The following DUSP8 variants were observed in gnomAD, a reference collection of about 807,000 sequenced individuals.
The protein encoded by DUSP8 is dual specificity phosphatase 8, also known as dual specificity protein phosphatase 8.
DUSP8 carries 15 observed loss-of-function variants against 38.7 expected under a neutral mutation model. The ratio of observed to expected loss-of-function variants is 0.39; its 90% CI spans 0.26 to 0.60. The LOEUF is 0.60. Ranked by LOEUF, DUSP8 falls within the 20% of genes least tolerant of loss-of-function variation. DUSP8 has a pLI of 0.56. For missense variants in DUSP8, 768 were observed against 915.0 expected (o/e 0.84, Z 2.07); for synonymous variants, 458 against 433.9 (o/e 1.06, Z -0.69).
Position 1,557,284 on chromosome 11 carries a change from T to G in DUSP8, c.1112A>C (p.Gln371Pro). The change falls in exon 7 of 7, where the codon CAG (glutamine) becomes CCG (proline). Residue 371 changes from glutamine (Q) to proline (P), a missense_variant. By Grantham distance (76) the Gln-to-Pro change is moderately conservative. Transcript: ENST00000397374. The surrounding 1 kb of genome is among the most constrained non-coding windows in gnomAD (Gnocchi z 9.9). ...PPTPPATSAL[Q>P]QGLRGLHLSS... ...GAGGTGCAGGCCGCGCAGGCCCTGC[T>G]GCAGTGCGCTGGTCGCCGGGGGCGT... 2 of 1,476,858 alleles carry G rather than the reference T, an allele frequency of 1.4e-6. No homozygotes were observed. Among genetic ancestry groups the G allele is most frequent in the Non-Finnish European group, 1.8e-6 (2 of 1,120,888 alleles). The allele number at this position is 1,476,858 out of a possible 1,614,324, so 91.5% of individuals were successfully genotyped here.
chr11:1,562,049 T>C (rs185495622), intron 3 of DUSP8, among the ~76,000 whole-genome samples: 24 of 152,310 alleles, frequency 1.6e-4, no homozygotes, highest in Admixed American at 1.6e-3. Context: ...AGAAAGGCAG[T>C]TCTGAGGGTG....
Position 1,557,251 on chromosome 11 carries a change from T to G in DUSP8, c.1145A>C (p.Asp382Ala). The change falls in exon 7 of 7, where the codon GAC becomes GCC. Residue 382 changes from aspartate to alanine, a missense_variant. By Grantham distance (126) the Asp-to-Ala change is moderately radical. Around this residue, in one of 3 missense-constraint regions of DUSP8, gnomAD observed 474 missense variants for 430.8 expected, o/e 1.10. Transcript: ENST00000397374. The surrounding 1 kb of genome is among the most constrained non-coding windows in gnomAD (Gnocchi z 9.9). Reference protein sequence around the residue: ...QGLRGLHLSSDRLQDTNRLKR... With the variant: ...QGLRGLHLSSARLQDTNRLKR... ...GAGGCGGTTAGTGTCCTGCAGGCGG[T>G]CCGAGGAGAGGTGCAGGCCGCGCAG... 7 of 1,493,242 alleles carry G rather than the reference T, an allele frequency of 4.7e-6. No homozygotes were observed. Among genetic ancestry groups the G allele is most frequent in the Non-Finnish European group, 6.2e-6 (7 of 1,124,550 alleles). 92.5% of individuals were successfully genotyped at this position (1,493,242 alleles called of 1,614,324 possible). A position where few individuals can be genotyped will look rare whatever the true frequency, so the allele number is the denominator to read the frequency against.
In DUSP8 at chr11:1,557,550, G is replaced by A. The variant is rs1848655406; in HGVS notation, c.846C>T (p.Ser282=). The A allele has an allele frequency of 6.3e-7, 1 of 1,589,268 alleles. No individual in the cohort carries two copies. Among genetic ancestry groups the A allele is most frequent in the Non-Finnish European group, 8.5e-7 (1 of 1,175,920 alleles). Residue 282 remains serine (S), a synonymous_variant, in exon 7 of 7, where the codon TCC becomes TCT. Transcript: ENST00000397374. This position sits in a 1 kb window ranked among gnomAD's most constrained non-coding sequence, Gnocchi z 9.9. ...CCAGGAAGTTGAAGTTGGGCGAGATGGACGGGCGCCTGTCCTTCACGAACC... is the reference window on the plus strand; with the variant it reads ...CCAGGAAGTTGAAGTTGGGCGAGATAGACGGGCGCCTGTCCTTCACGAACC... ...AYRFVKDRRP[S]ISPNFNFLGQ... is the part of the protein sequence containing the mutation.
In DUSP8 at chr11:1,554,742, G is replaced by A. The variant is rs550042998; in HGVS notation, c.*1776C>T. ...GAAGCCAGTGCATCCTCCTCACCCA[G>A]GGTCTCCTCAGAAACCCAACGCAAC... On this transcript the variant is annotated 3_prime_UTR_variant, in exon 7 of 7. Coordinates refer to ENST00000397374, the MANE Select transcript of DUSP8 (RefSeq NM_004420.3). 145 of 514,348 alleles carry A rather than the reference G, an allele frequency of 2.8e-4. 1 individual carries two copies. Among genetic ancestry groups the A allele is most frequent in the Non-Finnish European group, 3.2e-4 (129 of 397,678 alleles). 31.9% of individuals were successfully genotyped at this position (514,348 alleles called of 1,614,324 possible). A position where few individuals can be genotyped will look rare whatever the true frequency, so the allele number is the denominator to read the frequency against.
Position 1,557,298 on chromosome 11 carries a change from C to A in DUSP8, c.1098G>T (p.Ala366=). 3 of 1,470,180 alleles carry A rather than the reference C, an allele frequency of 2.0e-6. No homozygotes were observed. The highest frequency in any genetic ancestry group is 2.7e-6 in the Non-Finnish European group (3 of 1,119,748). The allele number at this position is 1,470,180 out of a possible 1,614,324, so 91.1% of individuals were successfully genotyped here. The part of the protein sequence containing the change: ...GEPPAPPTPP[A]TSALQQGLRG... ...GCAGGCCCTGCTGCAGTGCGCTGGT[C>A]GCCGGGGGCGTGGGGGGCGCGGGGG... The change falls in exon 7 of 7, where the codon GCG becomes GCT. Residue 366 remains alanine (A), a synonymous_variant. Coordinates refer to ENST00000397374, the MANE Select transcript of DUSP8 (RefSeq NM_004420.3). This position sits in a 1 kb window ranked among gnomAD's most constrained non-coding sequence, Gnocchi z 9.9.
chr11:1,570,942 C>T (rs1386387128), intron 1 of DUSP8, among the ~76,000 whole-genome samples: 3 of 151,174 alleles, frequency 2.0e-5, no homozygotes, highest in South Asian at 2.1e-4. Flanking sequence ...AGCACCCCAC[C>T]CCCACCCCAA....
In DUSP8 at chr11:1,557,032, CGGCGGGGCCGTG is replaced by C. The variant is rs1848640390; in HGVS notation, c.1352_1363del (p.Pro451_Arg454del). 10 of 1,067,650 alleles carry C rather than the reference CGGCGGGGCCGTG, an allele frequency of 9.4e-6. No individual in the cohort carries two copies. The Admixed American group carries it at 1.6e-4, about 17-fold the overall frequency. 66.1% of individuals were successfully genotyped at this position (1,067,650 alleles called of 1,614,324 possible). A position where few individuals can be genotyped will look rare whatever the true frequency, so the allele number is the denominator to read the frequency against. The stretch of plus-strand genomic sequence containing the variant: ...GGAGCCGGCGGGGGGCCGGGGCCGC[CGGCGGGGCCGTG>C]GGCGCGCCTCAGGCGCGGCGTCCGG... On this transcript the variant is annotated inframe_deletion, in exon 7 of 7. Coordinates refer to ENST00000397374, the MANE Select transcript of DUSP8 (RefSeq NM_004420.3). The surrounding 1 kb of genome is among the most constrained non-coding windows in gnomAD (Gnocchi z 9.9).
Position 1,557,204 on chromosome 11 carries a change from T to C in DUSP8, c.1192A>G (p.Ile398Val), listed in dbSNP as rs1397281490. The change falls in exon 7 of 7, where the codon ATC becomes GTC. Residue 398 changes from isoleucine (I) to valine (V), a missense_variant. Around this residue, in one of 3 missense-constraint regions of DUSP8, gnomAD observed 474 missense variants for 430.8 expected, o/e 1.10. Coordinates refer to ENST00000397374, the MANE Select transcript of DUSP8 (RefSeq NM_004420.3). The surrounding 1 kb of genome is among the most constrained non-coding windows in gnomAD (Gnocchi z 9.9). ...CTGCTAGGGGCGTAGGCAGACTTGA[T>C]GTCCAGGGAGAAGGAGCGCTTGAGG... is the stretch of plus-strand genomic sequence containing the variant. ...NRLKRSFSLD[I>V]KSAYAPSRRP... 3 of 1,491,614 alleles carry C rather than the reference T, an allele frequency of 2.0e-6. No individual in the cohort carries two copies. The highest frequency in any genetic ancestry group is 4.6e-5 in the Admixed American group (2 of 43,526). 92.4% of individuals were successfully genotyped at this position (1,491,614 alleles called of 1,614,324 possible).
rs912770306 is a variant in DUSP8 at position 1,554,051 on chromosome 11, G to A, written c.*2467C>T. The A allele has an allele frequency of 6.6e-6, 1 of 152,366 alleles. No individual in the cohort carries two copies. Among genetic ancestry groups the A allele is most frequent in the Non-Finnish European group, 1.5e-5 (1 of 68,124 alleles). 9.4% of individuals were successfully genotyped at this position (152,366 alleles called of 1,614,324 possible). A position where few individuals can be genotyped will look rare whatever the true frequency, so the allele number is the denominator to read the frequency against. On this transcript the variant is annotated 3_prime_UTR_variant, in exon 7 of 7. Transcript: ENST00000397374. ...GAAGGAAGAGGCGCGGAGTCGTGGG[G>A]AAAACATCCACTTTAAGCTTTATTA...
intron 1 of DUSP8, among the ~76,000 whole-genome samples, chr11:1,568,608 C>G (rs937895494): frequency 6.6e-6 from 1 of 152,144 alleles, no homozygotes; most frequent in Non-Finnish European, 1.5e-5. Flanking sequence ...AGAGTGGGCA[C>G]GCGCCCCTCC....
At chr11:1,572,373 G>A (rs943436904), upstream of DUSP8, among the ~76,000 whole-genome samples, 2 of 150,142 alleles carry the variant, frequency 1.3e-5, no homozygotes, top group Non-Finnish European at 1.5e-5. The surrounding 1 kb of genome is among the most constrained non-coding windows in gnomAD (Gnocchi z 4.7). Context: ...CGCGCGGCTC[G>A]GGGGCAGGTG....
In DUSP8 at chr11:1,557,568, C is replaced by T. The variant is rs1263035199; in HGVS notation, c.828G>A (p.Val276=). The T allele has an allele frequency of 4.4e-6, 7 of 1,580,990 alleles. No homozygotes were observed. Among genetic ancestry groups the T allele is most frequent in the Non-Finnish European group, 6.0e-6 (7 of 1,172,060 alleles). ...GCGAGATGGACGGGCGCCTGTCCTT[C>T]ACGAACCTGCGGGGGAGGAGGCTCA... is the stretch of plus-strand genomic sequence containing the variant. ...GMSSDDAYRF[V]KDRRPSISPN... The change falls in exon 7 of 7, where the codon GTG becomes GTA. Residue 276 remains valine, a synonymous_variant. Coordinates refer to ENST00000397374, the MANE Select transcript of DUSP8 (RefSeq NM_004420.3). This position sits in a 1 kb window ranked among gnomAD's most constrained non-coding sequence, Gnocchi z 9.9.
At position 1,557,287 on chromosome 11, in the gene DUSP8, A is replaced by G; in HGVS notation, c.1109T>C (p.Leu370Pro). ...APPTPPATSA[L>P]QQGLRGLHLS... ...GTGCAGGCCGCGCAGGCCCTGCTGC[A>G]GTGCGCTGGTCGCCGGGGGCGTGGG... Residue 370 changes from leucine to proline, a missense_variant, in exon 7 of 7, where the codon CTG (leucine) becomes CCG (proline). This residue lies in a region of DUSP8 where 474 missense variants were observed against 430.8 expected (regional missense o/e 1.10). Transcript: ENST00000397374. The surrounding 1 kb of genome is among the most constrained non-coding windows in gnomAD (Gnocchi z 9.9). 1 of 1,476,270 alleles carries G rather than the reference A, an allele frequency of 6.8e-7. No homozygotes were observed. The highest frequency in any genetic ancestry group is 2.6e-5 in the Admixed American group (1 of 38,858). The allele number at this position is 1,476,270 out of a possible 1,614,324, so 91.4% of individuals were successfully genotyped here. A position where few individuals can be genotyped will look rare whatever the true frequency, so the allele number is the denominator to read the frequency against.
At chr11:1,569,475 A>G (rs535143328) in intron 1 of DUSP8, among the ~76,000 whole-genome samples, 1 of 152,050 alleles carries the variant, frequency 6.6e-6, no homozygotes, top group African/African-American at 2.4e-5. Flanking sequence ...CCACGCGTGA[A>G]TATGTGCACA....
intron 1 of DUSP8, among the ~76,000 whole-genome samples, chr11:1,566,161 G>C (rs889441750): frequency 2.0e-5 from 3 of 152,164 alleles, no homozygotes; most frequent in African/African-American, 7.2e-5. Flanking sequence ...AAGGGTCTGA[G>C]GGCTGGAAGA....
intron 1 of DUSP8, among the ~76,000 whole-genome samples, chr11:1,569,856 G>C (rs902225): frequency 6.6e-6 from 1 of 152,168 alleles, no homozygotes; most frequent in Admixed American, 6.5e-5. Context: ...CTGTTACCCA[G>C]GGATGCTTCT....
intron 1 of DUSP8, chr11:1,571,275 G>C (rs1027069641): frequency 6.6e-6 from 1 of 152,264 alleles, no homozygotes; most frequent in Non-Finnish European, 1.5e-5. Flanking sequence ...CCAGCGCCGC[G>C]GCTGCCTCTG....
rs1412374211 is a variant in DUSP8, at chr11:1,558,030, G to A, written c.697+82C>T. On this transcript the variant is annotated intron_variant, in intron 5 of 6. Transcript: ENST00000397374. The surrounding 1 kb of genome is among the most constrained non-coding windows in gnomAD (Gnocchi z 6.3). ...GCCAACAGTTCCGGCTACTTCCTGG[G>A]GACCCCTCCTGTGTCTGTGGCCACA... is the stretch of plus-strand genomic sequence containing the variant. 10 of 1,610,616 alleles carry A rather than the reference G, an allele frequency of 6.2e-6. No homozygotes were observed. The highest frequency in any genetic ancestry group is 8.5e-6 in the Non-Finnish European group (10 of 1,178,538).
rs764714730 is a variant in DUSP8 at position 1,558,840 on chromosome 11, T to C, written c.537+49A>G. 46 of 1,559,302 alleles carry C rather than the reference T, an allele frequency of 3.0e-5. No homozygotes were observed. Among genetic ancestry groups the C allele is most frequent in the Non-Finnish European group, 3.9e-5 (45 of 1,149,480 alleles). ...TCCGCTGCCAAGCTGCTTCTGGAGCTCCTGCCCCTTTCCCATTGACCACCC... is the reference window on the plus strand; with the variant it reads ...TCCGCTGCCAAGCTGCTTCTGGAGCCCCTGCCCCTTTCCCATTGACCACCC... On this transcript the variant is annotated intron_variant, in intron 4 of 6. Transcript: ENST00000397374. The surrounding 1 kb of genome is among the most constrained non-coding windows in gnomAD (Gnocchi z 6.3).
Sources: gnomAD v4.1 joint callset for allele counts (sites outside exome capture counted in the v4.1 genomes callset) on GRCh38, gnomAD v4.1.1 for gene constraint, gnomAD v4.1.1 regional missense constraint, Gnocchi (gnomAD v3.1) non-coding constraint, MANE v1.5 for transcripts, NCBI Gene and HGNC (gene_info 2026-07-23, HGNC 2026-07-21) for gene names.